Variants in CACNA1E observed in about 807,000 individuals in gnomAD.
The protein encoded by CACNA1E is calcium voltage-gated channel subunit alpha1 E, also known as voltage-dependent R-type calcium channel subunit alpha-1E.
CACNA1E carries 40 observed loss-of-function variants against 259.2 expected under a neutral mutation model. The observed-to-expected ratio is 0.15, with a 90% CI of 0.12 to 0.20. CACNA1E has a LOEUF of 0.20. Ranked by LOEUF, CACNA1E falls within the 10% of genes least tolerant of loss-of-function variation. CACNA1E has a pLI of 1.00. For synonymous variants in CACNA1E, 1,104 were observed against 1,138.5 expected (o/e 0.97, Z 0.61); for missense variants, 1,874 against 3,040.1 (o/e 0.62, Z 9.02).
rs374061300 is a variant in CACNA1E, at chr1:181,721,766, G to A, written c.1965G>A (p.Thr655=). Residue 655 remains threonine, a synonymous_variant, in exon 16 of 48, where the codon ACG becomes ACA. Coordinates refer to ENST00000367573, the MANE Select transcript of CACNA1E (RefSeq NM_001205293.3). ...TCATTTGCTTTTTGTAGATCCTGACGGGTGAGGACTGGAATGAGGTGATGT... is the reference window on the plus strand; with the variant it reads ...TCATTTGCTTTTTGTAGATCCTGACAGGTGAGGACTGGAATGAGGTGATGT... ...AAIMTVFQIL[T]GEDWNEVMYN... 15 of 1,608,492 alleles carry A rather than the reference G, an allele frequency of 9.3e-6. No homozygotes were observed. The highest frequency in any genetic ancestry group is 3.3e-5 in the South Asian group (3 of 90,890).
At position 181,713,628 on chromosome 1, in the gene CACNA1E, A is replaced by C. The variant is rs538149533; in HGVS notation, c.1172-1710A>C. Among the ~76,000 whole-genome samples, 3 of 152,302 alleles carry C rather than the reference A, an allele frequency of 2.0e-5. No individual in the cohort carries two copies. The East Asian group carries it at 5.8e-4, about 29-fold the overall frequency. ...CTCCTACTGTCCTTTTACTTGTTAAAAGTGTTTAAATTAAACCATTGTTTA... is the reference window on the plus strand; with the variant it reads ...CTCCTACTGTCCTTTTACTTGTTAACAGTGTTTAAATTAAACCATTGTTTA... On this transcript the variant is annotated intron_variant, in intron 8 of 47. Transcript: ENST00000367573.
chr1:181,791,650 C>T (rs770447101), intron 44 of CACNA1E, among the ~76,000 whole-genome samples: 11 of 152,122 alleles, frequency 7.2e-5, no homozygotes, highest in Non-Finnish European at 1.6e-4. Flanking sequence ...TCCCCCACCC[C>T]GACCTTAGCT....
intron 1 of CACNA1E, among the ~76,000 whole-genome samples, chr1:181,372,826 A>T (rs78225454): frequency 1.9e-3 from 151 of 77,594 alleles, no homozygotes; most frequent in African/African-American, 6.1e-3. Flanking sequence ...ATATATATAT[A>T]TATTTTTTTT....
At position 181,720,441 on chromosome 1, in the gene CACNA1E, C is replaced by T. The variant is rs1654316300; in HGVS notation, c.1883+104C>T. ...AATCACCATGTTACTATCCTGTCTG[C>T]CTTTGCCCATGGCCTGAATTAACCA... On this transcript the variant is annotated intron_variant, in intron 14 of 47. Transcript: ENST00000367573. 2.3e-6 allele frequency: 3 copies of T among 1,309,330 alleles called. No individual in the cohort carries two copies. In the South Asian group the frequency reaches 4.1e-5, roughly 18 times the overall value. The allele number at this position is 1,309,330 out of a possible 1,614,324, so 81.1% of individuals were successfully genotyped here. A position where few individuals can be genotyped will look rare whatever the true frequency, so the allele number is the denominator to read the frequency against.
chr1:181,609,946 G>A (rs1305492054), intron 6 of CACNA1E, among the ~76,000 whole-genome samples: 1 of 152,166 alleles, frequency 6.6e-6, no homozygotes, highest in Non-Finnish European at 1.5e-5. Context: ...AGTTAGAGAA[G>A]TATTGCCAGG....
chr1:181,499,633 G>C (rs534702482), intron 1 of CACNA1E, among the ~76,000 whole-genome samples: 5 of 152,158 alleles, frequency 3.3e-5, no homozygotes, highest in Non-Finnish European at 7.3e-5. Flanking sequence ...TAACTTTCTT[G>C]GTCTCCAGCA....
At chr1:181,640,911 C>G (rs1329201404) in intron 6 of CACNA1E, among the ~76,000 whole-genome samples, 1 of 152,138 alleles carries the variant, frequency 6.6e-6, no homozygotes, top group African/African-American at 2.4e-5. Context: ...GCAGTTCTGT[C>G]TTTAAGAAAC....
At chr1:181,745,375 G>C in intron 25 of CACNA1E, 1 of 495,196 alleles carries the variant, frequency 2.0e-6, no homozygotes, top group South Asian at 1.5e-5. Flanking sequence ...GAGATGGTTG[G>C]TTGTAAATGG....
chr1:181,665,186 C>T (rs1648099691), intron 7 of CACNA1E, among the ~76,000 whole-genome samples: 1 of 151,738 alleles, frequency 6.6e-6, no homozygotes, highest in Non-Finnish European at 1.5e-5. Context: ...CACACATATA[C>T]ATCTATACAT....
chr1:181,642,552 C>G (rs890538498), intron 6 of CACNA1E, among the ~76,000 whole-genome samples: 1 of 152,178 alleles, frequency 6.6e-6, no homozygotes, highest in African/African-American at 2.4e-5. Context: ...TGATACTCAC[C>G]TCCCCTCTTG....
intron 6 of CACNA1E, among the ~76,000 whole-genome samples, chr1:181,600,114 C>T (rs111678346): frequency 6.6e-6 from 1 of 152,144 alleles, no homozygotes; most frequent in Non-Finnish European, 1.5e-5. Context: ...GAGCAGAAAT[C>T]TGCAGAAGTG....
chr1:181,379,465 C>T (rs984163797), intron 1 of CACNA1E, among the ~76,000 whole-genome samples: 7 of 152,260 alleles, frequency 4.6e-5, no homozygotes, highest in African/African-American at 9.6e-5. Context: ...ATGTTTTAGT[C>T]GGTTTGAACT....
chr1:181,400,583 C>T lies in CACNA1E; in HGVS notation c.-14-12550C>T, dbSNP rs1260145138. 3.9e-5 allele frequency among the ~76,000 whole-genome samples: 6 copies of T among 152,264 alleles called. No homozygotes were observed. The East Asian group carries it at 9.7e-4, about 25-fold the overall frequency. ...CCCTGTCTCCTCCTTGCCCAAGCCT[C>T]GAGACCCCTTTAGGACCATTGGCAA... On this transcript the variant is annotated intron_variant, in intron 1 of 11. Transcript: ENST00000524607.
chr1:181,551,419 G>T (rs1239019409), intron 3 of CACNA1E, among the ~76,000 whole-genome samples: 1 of 152,238 alleles, frequency 6.6e-6, no homozygotes, highest in Non-Finnish European at 1.5e-5. Flanking sequence ...AATGCAGGCT[G>T]CTTGGAGCCC....
At chr1:181,747,198 C>T (rs1657168578) in intron 25 of CACNA1E, among the ~76,000 whole-genome samples, 1 of 152,220 alleles carries the variant, frequency 6.6e-6, no homozygotes, top group African/African-American at 2.4e-5. Flanking sequence ...TGGGGTAGGG[C>T]AGAAGGCCAT....
chr1:181,677,949 T>TTAGA (rs1649545455), intron 7 of CACNA1E, among the ~76,000 whole-genome samples: 1 of 152,124 alleles, frequency 6.6e-6, no homozygotes, highest in Admixed American at 6.5e-5. Flanking sequence ...TTAGGTCTGG[T>TTAGA]TAGATCATGG....
At chr1:181,404,667 G>A (rs1657339682) in intron 1 of CACNA1E, among the ~76,000 whole-genome samples, 1 of 152,176 alleles carries the variant, frequency 6.6e-6, no homozygotes, top group African/African-American at 2.4e-5. Flanking sequence ...ATTTCCATCA[G>A]CTCCTGAGTA....
At chr1:181,319,584 A>C (rs1650184914) in intron 1 of CACNA1E, among the ~76,000 whole-genome samples, 1 of 152,188 alleles carries the variant, frequency 6.6e-6, no homozygotes, top group Non-Finnish European at 1.5e-5. Context: ...CTGACCAGCT[A>C]AGAAGTTTTT....
intron 44 of CACNA1E, among the ~76,000 whole-genome samples, chr1:181,793,440 A>AAAT (rs1205965782): frequency 3.9e-5 from 6 of 152,252 alleles, no homozygotes; most frequent in Admixed American, 3.9e-4. Context: ...TACACCAGAA[A>AAAT]AATAGGTGAC....
Sources: allele counts gnomAD v4.1 joint callset (sites outside exome capture counted in the v4.1 genomes callset), GRCh38; gene constraint gnomAD v4.1.1; transcripts MANE v1.5; gene names NCBI Gene and HGNC (gene_info 2026-07-23, HGNC 2026-07-21).